Variants in GRID2 observed in about 807,000 individuals in gnomAD.
GRID2 encodes glutamate receptor ionotropic, delta-2.
GRID2 carries 33 observed loss-of-function variants against 114.8 expected under a neutral mutation model. The ratio of observed to expected loss-of-function variants is 0.29; its 90% CI spans 0.22 to 0.38. The LOEUF (loss-of-function observed/expected upper bound fraction) is 0.38. GRID2 is among the 10% of genes least tolerant of loss of function. The pLI is 1.00. For synonymous variants in GRID2, 505 were observed against 449.9 expected, an observed-to-expected ratio of 1.12 and a Z score of -1.55; for missense variants, 1,184 against 1,257.7, an observed-to-expected ratio of 0.94 and a Z score of 0.89.
intron 1 of GRID2, among the ~76,000 whole-genome samples, chr4:92,442,542 T>C (rs1030066979): frequency 6.6e-6 from 1 of 151,998 alleles, no homozygotes; most frequent in Non-Finnish European, 1.5e-5. Context: ...AGGCAAGGAA[T>C]TGCAACTTTT....
Position 92,967,501 on chromosome 4 carries a change from T to TA in GRID2, c.245-117487dup, listed in dbSNP as rs1183551828. Among the ~76,000 whole-genome samples, 3 of 147,658 alleles carry TA rather than the reference T, an allele frequency of 2.0e-5. No individual in the cohort carries two copies. In the East Asian group the frequency reaches 6.5e-4, roughly 32 times the overall value. ...TATTTATTTATATGTGTCATTTTTT[T>TA]AAAAAAATATTTTTTACCAGTAAAG... is the stretch of plus-strand genomic sequence containing the variant. On this transcript the variant is annotated intron_variant, in intron 2 of 15. Transcript: ENST00000282020.
chr4:93,496,954 C>T (rs1029657534), intron 12 of GRID2, among the ~76,000 whole-genome samples: 2 of 151,734 alleles, frequency 1.3e-5, no homozygotes, highest in Non-Finnish European at 2.9e-5. Flanking sequence ...AGAAACTGCC[C>T]TACTAATTTC....
chr4:93,712,411 T>A (rs1418104227), intron 14 of GRID2, among the ~76,000 whole-genome samples: 1 of 152,176 alleles, frequency 6.6e-6, no homozygotes, highest in Non-Finnish European at 1.5e-5. Context: ...TCTGCTTAAA[T>A]GTAATTTGCA....
In GRID2 at chr4:93,766,405, G is replaced by T. The variant is rs558413759; in HGVS notation, c.2361-2805G>T. ...GCCCCTTATAAAACCATCAGATCTC[G>T]TGAGACTCACTATCACAAGAACGGC... On this transcript the variant is annotated intron_variant, in intron 14 of 15. Transcript: ENST00000282020. 1.4e-4 allele frequency among the ~76,000 whole-genome samples: 21 copies of T among 152,214 alleles called. No homozygotes were observed. In the East Asian group the frequency reaches 3.7e-3, roughly 27 times the overall value.
intron 2 of GRID2, among the ~76,000 whole-genome samples, chr4:92,710,640 A>T (rs1305159197): frequency 6.6e-6 from 1 of 152,132 alleles, no homozygotes; most frequent in Non-Finnish European, 1.5e-5. Context: ...TTTGAAGCCA[A>T]TGTTTTATTA....
intron 2 of GRID2, among the ~76,000 whole-genome samples, chr4:93,078,749 C>CTGTATA (rs756029863): frequency 7.0e-6 from 1 of 142,640 alleles, no homozygotes; most frequent in African/African-American, 2.6e-5. Context: ...ACTGTATATA[C>CTGTATA]TAAATATAAT....
At chr4:92,996,389 T>C (rs1327123012) in intron 2 of GRID2, among the ~76,000 whole-genome samples, 1 of 152,218 alleles carries the variant, frequency 6.6e-6, no homozygotes, top group East Asian at 1.9e-4. Context: ...TATCATATTA[T>C]ACATATGTTT....
intron 2 of GRID2, among the ~76,000 whole-genome samples, chr4:92,735,778 G>A (rs1736562198): frequency 6.6e-6 from 1 of 151,750 alleles, no homozygotes; most frequent in African/African-American, 2.4e-5. Context: ...TCTTTCAGGT[G>A]GATTGAATGT....
intron 14 of GRID2, among the ~76,000 whole-genome samples, chr4:93,638,162 T>A (rs1036272626): frequency 9.2e-5 from 14 of 152,134 alleles, no homozygotes; most frequent in African/African-American, 3.1e-4. Flanking sequence ...ATTTACTTTT[T>A]TCATAATAAT....
chr4:92,865,757 CGACT>C (rs1744814383), intron 2 of GRID2, among the ~76,000 whole-genome samples: 1 of 152,062 alleles, frequency 6.6e-6, no homozygotes, highest in Non-Finnish European at 1.5e-5. Flanking sequence ...ATAAATGGGA[CGACT>C]GACTGAATAA....
intron 2 of GRID2, among the ~76,000 whole-genome samples, chr4:92,766,808 A>T (rs575208029): frequency 6.6e-6 from 1 of 152,202 alleles, no homozygotes; most frequent in Non-Finnish European, 1.5e-5. Flanking sequence ...ATTCATAAGT[A>T]TACATTTATC....
intron 1 of GRID2, among the ~76,000 whole-genome samples, chr4:93,799,314 G>A (rs2110365248): frequency 6.6e-6 from 1 of 152,228 alleles, no homozygotes; most frequent in East Asian, 1.9e-4. Context: ...CTAGATTTGA[G>A]TGACAAATAT....
chr4:92,467,437 G>T (rs1433785131), intron 1 of GRID2, among the ~76,000 whole-genome samples: 2 of 151,862 alleles, frequency 1.3e-5, no homozygotes, highest in Non-Finnish European at 2.9e-5. Context: ...ATCTAAACTA[G>T]ACTGATGTAC....
chr4:93,707,919 A>C (rs889015429), intron 14 of GRID2, among the ~76,000 whole-genome samples: 6 of 151,780 alleles, frequency 4.0e-5, no homozygotes, highest in Non-Finnish European at 8.8e-5. Context: ...GACATTTTTA[A>C]ATTTCCTTCT....
rs575713326 is a variant in GRID2 at position 93,744,827 on chromosome 4, C to T, written c.2361-24383C>T. Reference sequence around the variant, plus strand: ...AGGAATAAGAATTGATACAGCAACCCTCATTGTTATCTTACTTCAAGAATG... The same window carrying T: ...AGGAATAAGAATTGATACAGCAACCTTCATTGTTATCTTACTTCAAGAATG... On this transcript the variant is annotated intron_variant, in intron 14 of 15. Coordinates refer to ENST00000282020, the MANE Select transcript of GRID2 (RefSeq NM_001510.4). Among the ~76,000 whole-genome samples the T allele has an allele frequency of 1.5e-3, 234 of 152,216 alleles. 2 individuals carry two copies. Among genetic ancestry groups the T allele is most frequent in the South Asian group, 4.8e-3 (23 of 4,818 alleles).
intron 2 of GRID2, among the ~76,000 whole-genome samples, chr4:93,062,501 CAT>C (rs1353160558): frequency 6.6e-6 from 1 of 152,052 alleles, no homozygotes; most frequent in Non-Finnish European, 1.5e-5. Context: ...CGTCATTAGA[CAT>C]GTGTTGTGCA....
chr4:93,321,144 G>A (rs531280182), intron 8 of GRID2, among the ~76,000 whole-genome samples: 402 of 152,094 alleles, frequency 2.6e-3, no homozygotes, highest in Non-Finnish European at 4.8e-3. Context: ...CATCCACAAT[G>A]GAGAATGTCC....
At chr4:93,610,677 G>A (rs1285500965) in intron 13 of GRID2, among the ~76,000 whole-genome samples, 2 of 34,454 alleles carry the variant, frequency 5.8e-5, no homozygotes, top group Admixed American at 2.8e-4. Flanking sequence ...CTTGATCATG[G>A]TGGATAAGCT....
intron 1 of GRID2, among the ~76,000 whole-genome samples, chr4:92,414,026 G>T (rs377529854): frequency 3.3e-5 from 5 of 152,122 alleles, no homozygotes; most frequent in African/African-American, 1.2e-4. Context: ...ATAACAAAAT[G>T]GGAATAATAT....
Sources: allele counts gnomAD v4.1 joint callset (sites outside exome capture counted in the v4.1 genomes callset), GRCh38; gene constraint gnomAD v4.1.1; transcripts MANE v1.5; gene names NCBI Gene and HGNC (gene_info 2026-07-23, HGNC 2026-07-21).